Variants in TTN observed in about 807,000 individuals in gnomAD.
TTN encodes titin.
Under a neutral mutation model 3,223.0 loss-of-function variants are expected in TTN, and 1,525 were observed. That is an observed-to-expected ratio of 0.47 (90% CI 0.45 to 0.49). The LOEUF (loss-of-function observed/expected upper bound fraction) is 0.49. Among genes scored for constraint, TTN ranks in the 20% least tolerant of loss-of-function variants. TTN has a pLI of 0.00. For missense variants in TTN, 40,786 were observed against 43,424.0 expected, an observed-to-expected ratio of 0.94 and a Z score of 5.40; for synonymous variants, 14,094 against 15,161.0, an observed-to-expected ratio of 0.93 and a Z score of 5.17.
In TTN at chr2:178,712,803, A is replaced by G; in HGVS notation, c.27222T>C (p.Ala9074=). 2 of 1,613,828 alleles carry G rather than the reference A, an allele frequency of 1.2e-6. No homozygotes were observed. The highest frequency in any genetic ancestry group is 1.7e-6 in the Non-Finnish European group (2 of 1,179,786). The change falls in exon 94 of 363, where the codon GCT becomes GCC. Residue 9074 remains alanine (A), a synonymous_variant. Coordinates refer to ENST00000589042, the MANE Select transcript of TTN (RefSeq NM_001267550.2). ...TATCTACATCGAACAACTCCAGTTC[A>G]GCAACTGAATCCTCCAAAGACACGT... is the stretch of plus-strand genomic sequence containing the variant. The part of the protein sequence containing the change: ...RCNVSLEDSV[A]ELELFDVDTS...
chr2:178,542,616 G>T, intron 348 of TTN, 46 bp downstream of exon 348: 1 of 1,596,762 alleles, frequency 6.3e-7, no homozygotes, highest in Non-Finnish European at 8.6e-7. Context: ...ATCAAAATTG[G>T]GTGACTGAAC....
chr2:178,700,283 G>A (rs552639003), intron 111 of TTN, among the ~76,000 whole-genome samples: 2 of 152,318 alleles, frequency 1.3e-5, no homozygotes, highest in South Asian at 4.1e-4. Context: ...AAAATTGGAA[G>A]TTTCTAATTG....
chr2:178,726,842 T>C (rs565475863), intron 69 of TTN: 1 of 346,630 alleles, frequency 2.9e-6, no homozygotes, highest in Admixed American at 4.7e-5. Flanking sequence ...TCACGTTTGA[T>C]GTTTGGCAAA....
chr2:178,567,850 G>C lies in TTN; in HGVS notation c.78282C>G (p.Thr26094=), dbSNP rs778237170. The change falls in exon 326 of 363, where the codon ACC becomes ACG. Residue 26094 remains threonine (T), a synonymous_variant. Coordinates refer to ENST00000589042, the MANE Select transcript of TTN (RefSeq NM_001267550.2). ...TTCTTTTAACCATTATTGGTTCTGG[G>C]GTTCCTGGTGGGTCACAGGGATCTC... ...VARDPCDPPG[T]PEPIMVKRNE... 32 of 1,613,290 alleles carry C rather than the reference G, an allele frequency of 2.0e-5. No individual in the cohort carries two copies. Among genetic ancestry groups the C allele is most frequent in the Non-Finnish European group, 1.5e-5 (18 of 1,179,588 alleles).
chr2:178,583,640 G>T lies in TTN; in HGVS notation c.65542C>A (p.Pro21848Thr). 1 of 1,611,148 alleles carries T rather than the reference G, an allele frequency of 6.2e-7. No homozygotes were observed. Among genetic ancestry groups the T allele is most frequent in the Non-Finnish European group, 8.5e-7 (1 of 1,178,506 alleles). ...GCGAGGATAGTCACTGGATCAGAAG[G>T]TTCAGAAGGTGGGCTAATGTTTACC... The part of the protein sequence containing the change: ...TAVNISPPSE[P>T]SDPVTILAEN... The change falls in exon 312 of 363, where the codon CCT (proline) becomes ACT (threonine). Residue 21848 changes from proline to threonine, a missense_variant. Pro to Thr is a conservative substitution (Grantham distance 38, BLOSUM62 -1). Transcript: ENST00000589042.
At chr2:178,788,800 A>G (rs1465994461) in intron 13 of TTN, among the ~76,000 whole-genome samples, 6 of 151,998 alleles carry the variant, frequency 3.9e-5, no homozygotes, top group African/African-American at 1.4e-4. Context: ...TTTAATATGC[A>G]TCTTGTTTAG....
chr2:178,627,350 C>A (rs990300835), intron 240 of TTN, among the ~76,000 whole-genome samples: 1 of 151,596 alleles, frequency 6.6e-6, no homozygotes, highest in Non-Finnish European at 1.5e-5. Context: ...GTTTTGAAGG[C>A]GAAAATTTTT....
Position 178,553,268 on chromosome 2 carries a change from T to C in TTN, c.89632A>G (p.Lys29878Glu). 3 of 1,611,634 alleles carry C rather than the reference T, an allele frequency of 1.9e-6. No homozygotes were observed. Among genetic ancestry groups the C allele is most frequent in the Non-Finnish European group, 2.5e-6 (3 of 1,179,808 alleles). Residue 29878 changes from lysine to glutamate, a missense_variant, in exon 335 of 363, where the codon AAG (lysine) becomes GAG (glutamate). Physicochemically the swap from Lys to Glu is moderately conservative, Grantham distance 56. Transcript: ENST00000589042. ...PPTVTWRKDEKNLGSDARYSI... is the reference protein window; with the variant it reads ...PPTVTWRKDEENLGSDARYSI... ...TATCTGGCATCACTGCCAAGATTCTTCTCATCTTTTCTCCATGTGACAGTA... is the reference window on the plus strand; with the variant it reads ...TATCTGGCATCACTGCCAAGATTCTCCTCATCTTTTCTCCATGTGACAGTA...
At position 178,704,146 on chromosome 2, in the gene TTN, C is replaced by G; in HGVS notation, c.30223+1G>C. ...CAAGGACTCCATAGTGTTTCACGCA[C>G]CTTCGATTCTGAGTTCTGCTGAAGT... On this transcript the variant is annotated splice_donor_variant, in intron 106 of 362. Coordinates refer to ENST00000589042, the MANE Select transcript of TTN (RefSeq NM_001267550.2). LOFTEE classifies it high-confidence loss of function. 1 of 1,613,500 alleles carries G rather than the reference C, an allele frequency of 6.2e-7. No individual in the cohort carries two copies. Among genetic ancestry groups the G allele is most frequent in the Non-Finnish European group, 8.5e-7 (1 of 1,179,774 alleles).
Position 178,578,671 on chromosome 2 carries a change from G to T in TTN, c.68269C>A (p.His22757Asn). The change falls in exon 321 of 363, where the codon CAC becomes AAC. Residue 22757 changes from histidine to asparagine, a missense_variant. Transcript: ENST00000589042. ...GTCCAAGTTAGAGATACTGAATCGT[G>T]TCTGACATCCACAATATTGGGAGGT... ...PPPPNIVDVR[H>N]DSVSLTWTDP... 6.2e-7 allele frequency: 1 copy of T among 1,612,018 alleles called. No individual in the cohort carries two copies. The highest frequency in any genetic ancestry group is 8.5e-7 in the Non-Finnish European group (1 of 1,179,076).
intron 336 of TTN, chr2:178,550,494 A>G (rs1183398322): frequency 5.8e-6 from 3 of 517,870 alleles, no homozygotes; most frequent in Admixed American, 7.3e-5. Context: ...TCATGTTTTT[A>G]ATTTTGCATT....
chr2:178,734,767 A>G lies in TTN; in HGVS notation c.15157T>C (p.Ser5053Pro). 6.2e-7 allele frequency: 1 copy of G among 1,613,654 alleles called. No individual in the cohort carries two copies. The highest frequency in any genetic ancestry group is 8.5e-7 in the Non-Finnish European group (1 of 1,179,686). ...CCGACGTCATTCACTGCTTCACATG[A>G]GTAACTCCCACTGTCTTCAACTTTT... ...DVKVEDSGSY[S>P]CEAVNDVGSD... Residue 5053 changes from serine to proline, a missense_variant, in exon 51 of 363, where the codon TCA (serine) becomes CCA (proline). By Grantham distance (74) the Ser-to-Pro change is moderately conservative. Coordinates refer to ENST00000589042, the MANE Select transcript of TTN (RefSeq NM_001267550.2).
At chr2:178,688,530 TACAAA>T (rs1352315052) in intron 126 of TTN, 142 bp downstream of exon 126, 9 of 666,092 alleles carry the variant, frequency 1.4e-5, no homozygotes, top group Non-Finnish European at 2.1e-5. Flanking sequence ...CCCAGAAGGC[TACAAA>T]AGGTAGACAC....
chr2:178,739,416 G>C lies in TTN; in HGVS notation c.13817C>G (p.Pro4606Arg), dbSNP rs762079270. Reference protein sequence around the residue: ...AEGGLIKEDGPMIHTPLVDTV... With the variant: ...AEGGLIKEDGRMIHTPLVDTV... The stretch of plus-strand genomic sequence containing the variant: ...GTCCACTAAAGGTGTATGTATCATG[G>C]GGCCATCCTCTTTGATTAAGCCACC... The change falls in exon 48 of 363, where the codon CCC becomes CGC. Residue 4606 changes from proline (P) to arginine (R), a missense_variant. Physicochemically the swap from Pro to Arg is moderately radical, Grantham distance 103. Coordinates refer to ENST00000589042, the MANE Select transcript of TTN (RefSeq NM_001267550.2). The C allele has an allele frequency of 2.0e-5, 32 of 1,613,578 alleles. No individual in the cohort carries two copies. Among genetic ancestry groups the C allele is most frequent in the African/African-American group, 2.7e-5 (2 of 74,858 alleles).
Position 178,706,463 on chromosome 2 carries a change from A to G in TTN, c.29411T>C (p.Met9804Thr). Reference protein sequence around the residue: ...QEKIEGDLRAMLKKTPILKKG... With the variant: ...QEKIEGDLRATLKKTPILKKG... ...TTTTTATTGAACTCACTTTTTCAGC[A>G]TTGCTCTAAGATCGCCTTCAATTTT... is the stretch of plus-strand genomic sequence containing the variant. The change falls in exon 102 of 363, where the codon ATG (methionine) becomes ACG (threonine). Residue 9804 changes from methionine (M) to threonine (T), a missense_variant. By Grantham distance (81) the Met-to-Thr change is moderately conservative. Transcript: ENST00000589042. The G allele has an allele frequency of 6.2e-7, 1 of 1,611,308 alleles. No homozygotes were observed. The highest frequency in any genetic ancestry group is 1.1e-5 in the South Asian group (1 of 90,830).
At position 178,651,726 on chromosome 2, in the gene TTN, C is replaced by T. The variant is rs1410100640; in HGVS notation, c.39403G>A (p.Val13135Ile). ...PQVTVPPKKPVPEKKAPAVVA... is the reference protein window; with the variant it reads ...PQVTVPPKKPIPEKKAPAVVA... Reference sequence around the variant, plus strand: ...ACAGCAGGTGCTTTCTTTTCTGGGACAGGTTTCTTAGGTGGTACGGTCACT... The same window carrying T: ...ACAGCAGGTGCTTTCTTTTCTGGGATAGGTTTCTTAGGTGGTACGGTCACT... Residue 13135 changes from valine (V) to isoleucine (I), a missense_variant, in exon 206 of 363, where the codon GTC (valine) becomes ATC (isoleucine). Transcript: ENST00000589042. 6.2e-7 allele frequency: 1 copy of T among 1,613,234 alleles called. No individual in the cohort carries two copies.
At chr2:178,646,079 G>T in intron 216 of TTN, 49 bp from the exon 217 acceptor site, 1 of 526,236 alleles carries the variant, frequency 1.9e-6, no homozygotes, top group Non-Finnish European at 2.7e-6. Context: ...GTTAGCATGT[G>T]GATATGTAGT....
At chr2:178,707,408 G>T in intron 100 of TTN, 118 bp downstream of exon 100, 1 of 1,247,974 alleles carries the variant, frequency 8.0e-7, no homozygotes, top group Non-Finnish European at 1.1e-6. Context: ...ACAAATTGCA[G>T]ATGAGCAACA....
rs2079914758 is a variant in TTN at position 178,729,166 on chromosome 2, G to A, written c.18872C>T (p.Pro6291Leu). Residue 6291 changes from proline to leucine, a missense_variant, in exon 65 of 363, where the codon CCA becomes CTA. Transcript: ENST00000589042. ...SCSTRVALKE[P>L]PSFIKKIENT... ...TTCTATCTTCTTAATGAATGATGGT[G>A]GTTCTGTGATTAAATAAGAGAGTGT... is the stretch of plus-strand genomic sequence containing the variant. 3.2e-6 allele frequency: 5 copies of A among 1,575,192 alleles called. No homozygotes were observed. Among genetic ancestry groups the A allele is most frequent in the Non-Finnish European group, 3.4e-6 (4 of 1,161,612 alleles).
Sources: gnomAD v4.1 joint callset for allele counts (sites outside exome capture counted in the v4.1 genomes callset) on GRCh38, gnomAD v4.1.1 for gene constraint, MANE v1.5 for transcripts, NCBI Gene and HGNC (gene_info 2026-07-23, HGNC 2026-07-21) for gene names.